The following WASF3 variants were observed in gnomAD, a reference collection of about 807,000 sequenced individuals.
WASF3 encodes the protein actin-binding protein WASF3.
WASF3 carries 11 observed loss-of-function variants against 46.6 expected under a neutral mutation model. That is an observed-to-expected ratio of 0.24 (90% confidence interval 0.15 to 0.39). The LOEUF (loss-of-function observed/expected upper bound fraction) is 0.39, where lower values mean the gene tolerates loss of function less well. Ranked by LOEUF, WASF3 falls within the 10% of genes least tolerant of loss-of-function variation. The probability of loss-of-function intolerance (pLI) is 1.00; values close to 1 mark genes in which losing one functional copy is unlikely to be tolerated. For missense variants in WASF3, 576 were observed against 669.8 expected, an observed-to-expected ratio of 0.86 and a Z score of 1.55; for synonymous variants, 242 against 259.7, an observed-to-expected ratio of 0.93 and a Z score of 0.65.
intron 1 of WASF3, among the ~76,000 whole-genome samples, chr13:26,590,118 G>A (rs1349916385): frequency 6.6e-6 from 1 of 152,192 alleles, no homozygotes; most frequent in African/African-American, 2.4e-5. Flanking sequence ...TCAGTCCTCA[G>A]TTTGTAAGAC....
intron 1 of WASF3, among the ~76,000 whole-genome samples, chr13:26,579,140 C>A (rs1423251653): frequency 6.6e-6 from 1 of 151,202 alleles, no homozygotes; most frequent in Non-Finnish European, 1.5e-5. Context: ...GCTTGGACTA[C>A]TGGTGTGTGC....
chr13:26,637,076 A>G (rs955849348), intron 2 of WASF3, among the ~76,000 whole-genome samples: 1 of 152,180 alleles, frequency 6.6e-6, no homozygotes, highest in Non-Finnish European at 1.5e-5. Context: ...TCCAGTCAGC[A>G]TGACGGTGTT....
chr13:26,669,911 G>T (rs1882881351), intron 5 of WASF3, among the ~76,000 whole-genome samples: 1 of 152,216 alleles, frequency 6.6e-6, no homozygotes. Flanking sequence ...GTTGGTGGGA[G>T]TGTAAATAAG....
Position 26,681,317 on chromosome 13 carries a change from A to G in WASF3, c.980A>G (p.Tyr327Cys), listed in dbSNP as rs1307614544. 6 of 1,588,952 alleles carry G rather than the reference A, an allele frequency of 3.8e-6. No homozygotes were observed. Among genetic ancestry groups the G allele is most frequent in the African/African-American group, 1.3e-5 (1 of 74,140 alleles). The stretch of plus-strand genomic sequence containing the variant: ...TCTGCACCGATGGCTCCAGCAGACT[A>G]CGGGTAACTCAGCATGCCTTGTACC... Reference protein sequence around the residue: ...QASAPMAPADYGMLPAQIIEY... With the variant: ...QASAPMAPADCGMLPAQIIEY... Residue 327 changes from tyrosine to cysteine, a missense_variant, in exon 8 of 10, where the codon TAC becomes TGC. Transcript: ENST00000335327.
upstream of WASF3, among the ~76,000 whole-genome samples, chr13:26,553,526 A>C (rs1427712952): frequency 6.6e-6 from 1 of 152,080 alleles, no homozygotes; most frequent in Admixed American, 6.5e-5. Context: ...CAGCTAAAAA[A>C]TAATGGAGAG....
intron 3 of WASF3, among the ~76,000 whole-genome samples, chr13:26,661,953 A>G (rs1882644730): frequency 6.6e-6 from 1 of 152,138 alleles, no homozygotes; most frequent in South Asian, 2.1e-4. Flanking sequence ...CAGGAGTGTC[A>G]GTCAGCTACT....
intron 1 of WASF3, among the ~76,000 whole-genome samples, chr13:26,605,744 C>T (rs1436842347): frequency 2.0e-5 from 3 of 152,156 alleles, no homozygotes; most frequent in African/African-American, 7.2e-5. Context: ...ATTAGATAAT[C>T]GAGTTTTCCT....
At chr13:26,592,711 A>G (rs1880341493) in intron 1 of WASF3, among the ~76,000 whole-genome samples, 1 of 152,206 alleles carries the variant, frequency 6.6e-6, no homozygotes, top group Non-Finnish European at 1.5e-5. Flanking sequence ...GGTGGATTAT[A>G]TACAATTCAG....
chr13:26,539,406 A>G, the WASF3 span, among the ~76,000 whole-genome samples: 1 of 152,126 alleles, frequency 6.6e-6, no homozygotes, highest in Admixed American at 6.5e-5. Flanking sequence ...AACCCTGCAA[A>G]TAGCTTTTTA....
chr13:26,591,859 G>A (rs545222909), intron 1 of WASF3, among the ~76,000 whole-genome samples: 6 of 152,080 alleles, frequency 3.9e-5, no homozygotes, highest in African/African-American at 1.4e-4. Flanking sequence ...CTTTAGGAAC[G>A]GCTGGGCACT....
chr13:26,673,665 T>C (rs1882982501), intron 6 of WASF3, among the ~76,000 whole-genome samples: 1 of 152,238 alleles, frequency 6.6e-6, no homozygotes, highest in Non-Finnish European at 1.5e-5. Context: ...AAAATTAGTT[T>C]AGAAAATTTG....
intron 1 of WASF3, among the ~76,000 whole-genome samples, chr13:26,575,877 A>G (rs1879782121): frequency 6.6e-6 from 1 of 152,134 alleles, no homozygotes; most frequent in Admixed American, 6.5e-5. Flanking sequence ...TATCTTTCAT[A>G]TGCGTAAAGT....
intron 3 of WASF3, among the ~76,000 whole-genome samples, chr13:26,660,603 C>T (rs1035226184): frequency 5.9e-5 from 9 of 151,670 alleles, no homozygotes; most frequent in East Asian, 1.9e-4. Context: ...AGCTTTGCTG[C>T]GAAGGGAGGA....
chr13:26,674,736 T>G (rs1883013047), intron 6 of WASF3, among the ~76,000 whole-genome samples: 1 of 152,228 alleles, frequency 6.6e-6, no homozygotes, highest in African/African-American at 2.4e-5. Context: ...ATCCCTCTAC[T>G]TAGGTGCAGA....
Position 26,680,340 on chromosome 13 carries a change from G to A in WASF3, c.717-714G>A, listed in dbSNP as rs1883188775. On this transcript the variant is annotated intron_variant, in intron 7 of 9. Transcript: ENST00000335327. ...GTGTGACTGTCTTACTAACGCCCAC[G>A]GCACTGCCGGGCTGCCACACTTGGG... The A allele has an allele frequency of 8.9e-6, 9 of 1,005,832 alleles. No homozygotes were observed. In the Middle Eastern group the frequency reaches 1.0e-3, roughly 112 times the overall value. The allele number at this position is 1,005,832 out of a possible 1,614,324, so 62.3% of individuals were successfully genotyped here.
At chr13:26,675,975 T>G (rs935268064) in intron 6 of WASF3, among the ~76,000 whole-genome samples, 3 of 152,222 alleles carry the variant, frequency 2.0e-5, no homozygotes, top group African/African-American at 7.2e-5. Context: ...ATTTGTTGAA[T>G]GAAACATTTT....
intron 9 of WASF3, among the ~76,000 whole-genome samples, chr13:26,684,525 T>G (rs1287810479): frequency 6.6e-6 from 1 of 152,242 alleles, no homozygotes; most frequent in Non-Finnish European, 1.5e-5. Context: ...GGGGATAATC[T>G]TTTCCATTTG....
At position 26,685,718 on chromosome 13, in the gene WASF3, G is replaced by A. The variant is rs149628167; in HGVS notation, c.1382G>A (p.Arg461Gln). The A allele has an allele frequency of 1.2e-5, 20 of 1,614,208 alleles. No homozygotes were observed. The highest frequency in any genetic ancestry group is 8.8e-5 in the South Asian group (8 of 91,090). The change falls in exon 10 of 10, where the codon CGG becomes CAG. Residue 461 changes from arginine (R) to glutamine (Q), a missense_variant. This residue lies in a region of WASF3 where 68 missense variants were observed against 100.3 expected (regional missense o/e 0.68). Transcript: ENST00000335327. ...GIQLKKVQEQ[R>Q]EQEAKREPVG... Reference sequence around the variant, plus strand: ...CAACTGAAAAAGGTGCAGGAGCAGCGGGAGCAGGAGGCCAAGCGGGAGCCA... The same window carrying A: ...CAACTGAAAAAGGTGCAGGAGCAGCAGGAGCAGGAGGCCAAGCGGGAGCCA...
At chr13:26,671,371 A>G (rs147255755) in intron 5 of WASF3, among the ~76,000 whole-genome samples, 239 of 152,314 alleles carry the variant, frequency 1.6e-3, no homozygotes, top group African/African-American at 5.6e-3. Flanking sequence ...CCCCATAAAC[A>G]TTTTGCTTCT....
Sources: allele counts gnomAD v4.1 joint callset (sites outside exome capture counted in the v4.1 genomes callset), GRCh38; gene constraint gnomAD v4.1.1; regional missense constraint gnomAD v4.1.1; transcripts MANE v1.5; gene names NCBI Gene and HGNC (gene_info 2026-07-23, HGNC 2026-07-21).